The following DSCAM variants were observed in gnomAD, a reference collection of about 807,000 sequenced individuals.
DSCAM encodes the protein cell adhesion molecule DSCAM.
In DSCAM, 47 loss-of-function variants were observed where a neutral mutation model predicts 217.7. That is an observed-to-expected ratio of 0.22 (90% confidence interval 0.17 to 0.28). The LOEUF (loss-of-function observed/expected upper bound fraction) is 0.28, where lower values mean the gene tolerates loss of function less well. Ranked by LOEUF, DSCAM falls within the 10% of genes least tolerant of loss-of-function variation. The pLI is 1.00. For missense variants in DSCAM, 2,080 were observed against 2,618.3 expected, an observed-to-expected ratio of 0.79 and a Z score of 4.49; for synonymous variants, 1,056 against 1,015.3, an observed-to-expected ratio of 1.04 and a Z score of -0.76.
At chr21:40,032,338 GAAGA>G (rs1443050643) in intron 32 of DSCAM, among the ~76,000 whole-genome samples, 1 of 152,114 alleles carries the variant, frequency 6.6e-6, no homozygotes, top group Non-Finnish European at 1.5e-5. Context: ...CTTTATTTGA[GAAGA>G]ATCATAAGCC....
At chr21:40,077,975 T>A (rs181249653) in intron 26 of DSCAM, among the ~76,000 whole-genome samples, 2 of 152,348 alleles carry the variant, frequency 1.3e-5, no homozygotes, top group Admixed American at 6.5e-5. Context: ...CCCTACTAAG[T>A]TGCAGTCGAG....
At chr21:40,386,484 C>G (rs1305883520) in intron 3 of DSCAM, among the ~76,000 whole-genome samples, 1 of 152,192 alleles carries the variant, frequency 6.6e-6, no homozygotes, top group African/African-American at 2.4e-5. Flanking sequence ...TGCGGGAGAA[C>G]ACTCGGTGCC....
chr21:40,745,008 C>T (rs1049010959), intron 1 of DSCAM, among the ~76,000 whole-genome samples: 2 of 152,046 alleles, frequency 1.3e-5, no homozygotes, highest in Non-Finnish European at 2.9e-5. Context: ...AATACAATAA[C>T]TGAACTTATT....
At chr21:40,172,662 G>T (rs2090671960) in intron 15 of DSCAM, among the ~76,000 whole-genome samples, 1 of 152,130 alleles carries the variant, frequency 6.6e-6, no homozygotes, top group Non-Finnish European at 1.5e-5. Context: ...AGCATCTTGG[G>T]GCCTCATCAT....
chr21:40,302,836 G>A (rs1308643618), intron 9 of DSCAM, among the ~76,000 whole-genome samples: 2 of 152,156 alleles, frequency 1.3e-5, no homozygotes, highest in Non-Finnish European at 2.9e-5. Flanking sequence ...TCTTTGGCTT[G>A]ATCTGCTTAT....
intron 15 of DSCAM, among the ~76,000 whole-genome samples, chr21:40,176,646 G>A (rs1568983265): frequency 1.3e-5 from 2 of 152,242 alleles, no homozygotes; most frequent in Admixed American, 6.5e-5. Flanking sequence ...GTTATCTGCT[G>A]TAGCTTTTCA....
chr21:40,552,216 A>C (rs1405108078), intron 3 of DSCAM, among the ~76,000 whole-genome samples: 1 of 152,136 alleles, frequency 6.6e-6, no homozygotes, highest in Admixed American at 6.5e-5. Context: ...CAGGAGGCTG[A>C]GGCAGAAGAA....
At chr21:40,283,111 T>C (rs16999614) in intron 10 of DSCAM, among the ~76,000 whole-genome samples, 4,227 of 152,276 alleles carry the variant, frequency 0.028, 194 homozygotes, top group African/African-American at 0.095. Flanking sequence ...CTAGCATTTG[T>C]TTAATTGGAG....
chr21:40,653,822 C>A (rs922393449), intron 3 of DSCAM, among the ~76,000 whole-genome samples: 2 of 152,134 alleles, frequency 1.3e-5, no homozygotes, highest in East Asian at 3.9e-4. Context: ...CCTGGCCAGG[C>A]GCAGTGGCTC....
intron 1 of DSCAM, among the ~76,000 whole-genome samples, chr21:40,803,221 A>C (rs965182983): frequency 6.6e-6 from 1 of 152,232 alleles, no homozygotes; most frequent in South Asian, 2.1e-4. Context: ...AACATCTGCC[A>C]TATGGTAGAT....
At chr21:40,513,192 G>C (rs1041311684) in intron 3 of DSCAM, 1 of 152,190 alleles carries the variant, frequency 6.6e-6, no homozygotes, top group Non-Finnish European at 1.5e-5. Context: ...CGACTGCATA[G>C]AAAGAGGAGA....
At chr21:40,653,582 T>G in intron 3 of DSCAM, among the ~76,000 whole-genome samples, 1 of 152,156 alleles carries the variant, frequency 6.6e-6, no homozygotes, top group East Asian at 1.9e-4. Flanking sequence ...CCACACCCTC[T>G]CTACTTGGTC....
intron 3 of DSCAM, among the ~76,000 whole-genome samples, chr21:40,642,777 T>TG (rs772707507): frequency 1.3e-5 from 2 of 151,998 alleles, no homozygotes; most frequent in East Asian, 1.9e-4. Flanking sequence ...TTAGTAGAGT[T>TG]GGGGGTTCTG....
chr21:40,742,210 C>G (rs1039014686), intron 1 of DSCAM, among the ~76,000 whole-genome samples: 5 of 152,210 alleles, frequency 3.3e-5, no homozygotes, highest in African/African-American at 1.2e-4. Context: ...CAGGAGGTCC[C>G]AGCAGAACTA....
intron 4 of DSCAM, among the ~76,000 whole-genome samples, chr21:40,359,349 T>C (rs57884952): frequency 0.021 from 3,155 of 152,274 alleles, 106 homozygotes; most frequent in African/African-American, 0.073. Flanking sequence ...TTACATCACA[T>C]TGGCTAGAGT....
rs117796740 is a variant in DSCAM, at chr21:40,337,614, G to A, written c.1783+487C>T. On this transcript the variant is annotated intron_variant, in intron 8 of 32. Transcript: ENST00000400454. ...CAAAGAATAATTTAATGAGGAAAAC[G>A]TTCTGTGGCATCCTTTAAACATATA... 2.4e-4 allele frequency among the ~76,000 whole-genome samples: 37 copies of A among 152,184 alleles called. No individual in the cohort carries two copies. The East Asian group carries it at 7.2e-3, about 30-fold the overall frequency.
chr21:40,342,649 T>TATATATATATATATATA (rs1555907253), intron 6 of DSCAM, among the ~76,000 whole-genome samples: 8 of 38,970 alleles, frequency 2.1e-4, no homozygotes, highest in South Asian at 1.4e-3. Context: ...TATATATATA[T>TATATATATATATATATA]TTTTTTTTTT....
In DSCAM at chr21:40,338,113, C is replaced by A. The variant is rs376716215; in HGVS notation, c.1771G>T (p.Val591Leu). ...PQLSTSQSVHVTVKVPPFIQP... is the reference protein window; with the variant it reads ...PQLSTSQSVHLTVKVPPFIQP... The stretch of plus-strand genomic sequence containing the variant: ...GAACAGGGCTTACCTTTCACGGTCA[C>A]GTGGACGCTCTGGCTGGTGGAGAGT... Residue 591 changes from valine (V) to leucine (L), a missense_variant, in exon 8 of 33, where the codon GTG becomes TTG. Physicochemically the swap from Val to Leu is conservative, Grantham distance 32 (BLOSUM62 1). Around this residue, in one of 5 missense-constraint regions of DSCAM, gnomAD observed 218 missense variants for 364.1 expected, o/e 0.60. Coordinates refer to ENST00000400454, the MANE Select transcript of DSCAM (RefSeq NM_001389.5). 89 of 1,613,868 alleles carry A rather than the reference C, an allele frequency of 5.5e-5. No homozygotes were observed. The highest frequency in any genetic ancestry group is 7.2e-5 in the Non-Finnish European group (85 of 1,180,010).
At chr21:40,380,693 C>T (rs1318022264) in intron 3 of DSCAM, among the ~76,000 whole-genome samples, 1 of 152,040 alleles carries the variant, frequency 6.6e-6, no homozygotes, top group South Asian at 2.1e-4. Context: ...GAGCTAAGAA[C>T]AAGGTTAAAG....
Sources: gnomAD v4.1 joint callset for allele counts (sites outside exome capture counted in the v4.1 genomes callset) on GRCh38, gnomAD v4.1.1 for gene constraint, gnomAD v4.1.1 regional missense constraint, MANE v1.5 for transcripts, NCBI Gene and HGNC (gene_info 2026-07-23, HGNC 2026-07-21) for gene names.